Variants in MAP1B observed in about 807,000 individuals in gnomAD.
MAP1B encodes microtubule associated protein 1B.
A neutral mutation model predicts 176.1 loss-of-function variants in MAP1B; 12 were observed. That is an observed-to-expected ratio of 0.07 (90% confidence interval 0.04 to 0.11). The LOEUF (loss-of-function observed/expected upper bound fraction) is 0.11, where lower values mean the gene tolerates loss of function less well. MAP1B is among the 10% of genes least tolerant of loss of function. The pLI, the probability that MAP1B is intolerant of heterozygous loss-of-function variation, is 1.00. For missense variants in MAP1B, 2,523 were observed against 2,990.5 expected (o/e 0.84, Z 3.65); for synonymous variants, 1,044 against 1,135.0 (o/e 0.92, Z 1.61).
chr5:72,187,015 A>C (rs1438235804), intron 4 of MAP1B, among the ~76,000 whole-genome samples: 1 of 152,260 alleles, frequency 6.6e-6, no homozygotes, highest in Non-Finnish European at 1.5e-5. Flanking sequence ...AACACTTTAC[A>C]GATGGTAAAA....
intron 1 of MAP1B, among the ~76,000 whole-genome samples, chr5:72,113,805 G>A (rs1745384722): frequency 2.0e-5 from 3 of 152,170 alleles, no homozygotes; most frequent in Admixed American, 1.3e-4. Flanking sequence ...TTTTGCACTA[G>A]ACTAGTATAT....
At chr5:72,182,023 CTT>C (rs34251206) in intron 2 of MAP1B, among the ~76,000 whole-genome samples, 22,273 of 93,472 alleles carry the variant, frequency 0.24, 1,652 homozygotes, top group Non-Finnish European at 0.3. Flanking sequence ...CGCACCTGGC[CTT>C]TTTTTTTTTT....
At chr5:72,188,096 A>G (rs1010264233) in intron 4 of MAP1B, among the ~76,000 whole-genome samples, 5 of 152,120 alleles carry the variant, frequency 3.3e-5, no homozygotes, top group African/African-American at 1.2e-4. Flanking sequence ...CTCGGTATCC[A>G]TTGCACCTGC....
rs561288784 is a variant in MAP1B, at chr5:72,141,580, G to A, written c.286+25781G>A. Among the ~76,000 whole-genome samples the A allele has an allele frequency of 3.9e-5, 6 of 152,322 alleles. No homozygotes were observed. In the South Asian group the frequency reaches 1.2e-3, roughly 32 times the overall value. ...CTGAGGCTCAGAAAGGCCAGGCCTT[G>A]TCCTGGGTGAGCCAGCCTCTCAGTA... On this transcript the variant is annotated intron_variant, in intron 2 of 6. Transcript: ENST00000296755.
At chr5:72,159,279 G>A (rs1179728876) in intron 2 of MAP1B, among the ~76,000 whole-genome samples, 1 of 152,182 alleles carries the variant, frequency 6.6e-6, no homozygotes, top group Non-Finnish European at 1.5e-5. Flanking sequence ...GTAGAAAGGT[G>A]ATCTTTCTTT....
chr5:72,145,815 C>T (rs993063145), intron 2 of MAP1B, among the ~76,000 whole-genome samples: 1 of 152,176 alleles, frequency 6.6e-6, no homozygotes, highest in African/African-American at 2.4e-5. Context: ...ATATTCATCC[C>T]TATTGTTTTA....
rs1747195265 is a variant in MAP1B at position 72,197,170 on chromosome 5, T to C, written c.3815T>C (p.Leu1272Pro). The change falls in exon 5 of 7, where the codon CTG becomes CCG. Residue 1272 changes from leucine to proline, a missense_variant. By Grantham distance (98) the Leu-to-Pro change is moderately conservative. This residue lies in a region of MAP1B where 1,925 missense variants were observed against 2,126.0 expected (regional missense o/e 0.91). Transcript: ENST00000296755. ...CCATCACCCTTAGAAAAGACCCCCC[T>C]GGGTGAACGTAGTGTGAACTTCTCT... ...SPPSPLEKTP[L>P]GERSVNFSLT... 1 of 1,614,186 alleles carries C rather than the reference T, an allele frequency of 6.2e-7. No homozygotes were observed. The highest frequency in any genetic ancestry group is 1.1e-5 in the South Asian group (1 of 91,084).
intron 2 of MAP1B, among the ~76,000 whole-genome samples, chr5:72,177,235 G>A (rs1204829238): frequency 1.3e-5 from 2 of 152,116 alleles, no homozygotes. Flanking sequence ...CCTTCTCCTG[G>A]ACCCTCTCCG....
At chr5:72,118,198 A>T (rs1368488583) in intron 2 of MAP1B, among the ~76,000 whole-genome samples, 2 of 152,162 alleles carry the variant, frequency 1.3e-5, no homozygotes, top group African/African-American at 4.8e-5. Flanking sequence ...GTTTTTTGAG[A>T]CAGGGTCTCA....
At chr5:72,154,682 T>C (rs1193256363) in intron 2 of MAP1B, among the ~76,000 whole-genome samples, 6 of 152,208 alleles carry the variant, frequency 3.9e-5, no homozygotes, top group Non-Finnish European at 8.8e-5. Context: ...TGCCACTAGT[T>C]GTGACCAGGC....
In MAP1B at chr5:72,194,831, C is replaced by T; in HGVS notation, c.1476C>T (p.Asn492=). 6.2e-7 allele frequency: 1 copy of T among 1,614,184 alleles called. No homozygotes were observed. Among genetic ancestry groups the T allele is most frequent in the Non-Finnish European group, 8.5e-7 (1 of 1,180,038 alleles). The change falls in exon 5 of 7, where the codon AAC becomes AAT. Residue 492 remains asparagine (N), a synonymous_variant. Transcript: ENST00000296755. The surrounding 1 kb of genome is among the most constrained non-coding windows in gnomAD (Gnocchi z 7.2). ...TCATCCGAGTCCTGTTTCCTGGGAA[C>T]AGCACCCAGTACAACATCCTGGAAG... The part of the protein sequence containing the change: ...EKIIRVLFPG[N]STQYNILEGL...
At chr5:72,138,399 T>C (rs1745875678) in intron 2 of MAP1B, among the ~76,000 whole-genome samples, 1 of 152,168 alleles carries the variant, frequency 6.6e-6, no homozygotes, top group African/African-American at 2.4e-5. Flanking sequence ...GAGGACAAGA[T>C]AGGCACCTTC....
chr5:72,131,042 A>G lies in MAP1B; in HGVS notation c.286+15243A>G, dbSNP rs75711437. ...GGGATCTGGTAATGTGTCAGTACTAAGGTTAATAAAAATAAGCAAATGAAG... is the reference window on the plus strand; with the variant it reads ...GGGATCTGGTAATGTGTCAGTACTAGGGTTAATAAAAATAAGCAAATGAAG... On this transcript the variant is annotated intron_variant, in intron 2 of 6. Transcript: ENST00000296755. Among the ~76,000 whole-genome samples the G allele has an allele frequency of 2.3e-3, 352 of 152,296 alleles. 1 individual carries two copies. Among genetic ancestry groups the G allele is most frequent in the East Asian group, 0.014 (75 of 5,180 alleles).
At position 72,195,939 on chromosome 5, in the gene MAP1B, G is replaced by A. The variant is rs761941048; in HGVS notation, c.2584G>A (p.Glu862Lys). The change falls in exon 5 of 7, where the codon GAA becomes AAA. Residue 862 changes from glutamate to lysine, a missense_variant. Glu to Lys is a moderately conservative substitution (Grantham distance 56). Coordinates refer to ENST00000296755, the MANE Select transcript of MAP1B (RefSeq NM_005909.5). ...CATCAAGCCTCAGCTGGAGCTAATCGAAGACGAAGAGAAACTGAAGGAAAC... is the reference window on the plus strand; with the variant it reads ...CATCAAGCCTCAGCTGGAGCTAATCAAAGACGAAGAGAAACTGAAGGAAAC... ...KDIKPQLELI[E>K]DEEKLKETEP... 1.5e-5 allele frequency: 25 copies of A among 1,614,060 alleles called. No homozygotes were observed. Among genetic ancestry groups the A allele is most frequent in the Admixed American group, 5.0e-5 (3 of 60,004 alleles).
chr5:72,145,082 T>G (rs1474212279), intron 2 of MAP1B, among the ~76,000 whole-genome samples: 2 of 152,332 alleles, frequency 1.3e-5, no homozygotes, highest in East Asian at 3.9e-4. Context: ...ACAAATTCCC[T>G]TCTCAGTTCA....
At position 72,178,292 on chromosome 5, in the gene MAP1B, C is replaced by T. The variant is rs558678296; in HGVS notation, c.287-5451C>T. ...TCCTGGGATTACAGGCATGAGCCAC[C>T]GTGCCTGGCCTGAAAAACAGACTTT... On this transcript the variant is annotated intron_variant, in intron 2 of 6. Coordinates refer to ENST00000296755, the MANE Select transcript of MAP1B (RefSeq NM_005909.5). Among the ~76,000 whole-genome samples, 123 of 152,338 alleles carry T rather than the reference C, an allele frequency of 8.1e-4. 1 individual carries two copies. Among genetic ancestry groups the T allele is most frequent in the African/African-American group, 2.6e-3 (109 of 41,576 alleles).
intron 4 of MAP1B, among the ~76,000 whole-genome samples, chr5:72,187,030 T>C (rs1358649000): frequency 6.6e-6 from 1 of 152,224 alleles, no homozygotes; most frequent in Admixed American, 6.5e-5. Context: ...GTAAAAATGA[T>C]GGAGAAACTT....
chr5:72,199,254 C>G lies in MAP1B; in HGVS notation c.5899C>G (p.Pro1967Ala). The change falls in exon 5 of 7, where the codon CCC (proline) becomes GCC (alanine). Residue 1967 changes from proline (P) to alanine (A), a missense_variant. This residue lies in a region of MAP1B where 1,925 missense variants were observed against 2,126.0 expected (regional missense o/e 0.91). Transcript: ENST00000296755. This position sits in a 1 kb window ranked among gnomAD's most constrained non-coding sequence, Gnocchi z 4.2. ...CATAAGTGAAAAGACCACCAGCCCC[C>G]CCGAAGTGAGTGGTTACAGCTATGA... ...YDISEKTTSP[P>A]EVSGYSYEKT... 3 of 1,614,118 alleles carry G rather than the reference C, an allele frequency of 1.9e-6. No homozygotes were observed. The highest frequency in any genetic ancestry group is 2.5e-6 in the Non-Finnish European group (3 of 1,180,026).
Position 72,195,692 on chromosome 5 carries a change from G to C in MAP1B, c.2337G>C (p.Lys779Asn). Residue 779 changes from lysine to asparagine, a missense_variant, in exon 5 of 7, where the codon AAG becomes AAC. By Grantham distance (94) the Lys-to-Asn change is moderately conservative (BLOSUM62 0). Around this residue, in one of 4 missense-constraint regions of MAP1B, gnomAD observed 1,925 missense variants for 2,126.0 expected, o/e 0.91. Transcript: ENST00000296755. The part of the protein sequence containing the change: ...DSVAAGKPKE[K>N]GKIKVIKKEG... ...TTGCTGCCGGAAAGCCAAAGGAGAA[G>C]GGGAAAATAAAAGTCATTAAGAAGG... is the stretch of plus-strand genomic sequence containing the variant. 6.2e-7 allele frequency: 1 copy of C among 1,614,224 alleles called. No individual in the cohort carries two copies. The highest frequency in any genetic ancestry group is 8.5e-7 in the Non-Finnish European group (1 of 1,180,038).
Sources: gnomAD v4.1 joint callset for allele counts (sites outside exome capture counted in the v4.1 genomes callset) on GRCh38, gnomAD v4.1.1 for gene constraint, gnomAD v4.1.1 regional missense constraint, Gnocchi (gnomAD v3.1) non-coding constraint, MANE v1.5 for transcripts, NCBI Gene and HGNC (gene_info 2026-07-23, HGNC 2026-07-21) for gene names.